The following UBTD2 variants were observed in gnomAD, a reference collection of about 807,000 sequenced individuals.
UBTD2 encodes the protein ubiquitin domain-containing protein 2.
UBTD2 carries 9 observed loss-of-function variants against 19.8 expected under a neutral mutation model. That is an observed-to-expected ratio of 0.46 (90% confidence interval 0.27 to 0.79). The LOEUF (loss-of-function observed/expected upper bound fraction) is 0.79, where lower values mean the gene tolerates loss of function less well. Among genes scored for constraint, UBTD2 ranks in the 30% least tolerant of loss-of-function variants. The pLI is 0.14. For missense variants in UBTD2, 250 were observed against 300.4 expected, an observed-to-expected ratio of 0.83 and a Z score of 1.24; for synonymous variants, 98 against 103.9, an observed-to-expected ratio of 0.94 and a Z score of 0.35.
chr5:172,277,818 T>C lies in UBTD2; in HGVS notation c.70+5778A>G, dbSNP rs1349718558. Among the ~76,000 whole-genome samples, 3 of 141,908 alleles carry C rather than the reference T, an allele frequency of 2.1e-5. No individual in the cohort carries two copies. In the Admixed American group the frequency reaches 2.1e-4, roughly 10 times the overall value. The allele number at this position is 141,908 out of a possible 152,430, so 93.1% of individuals were successfully genotyped here. ...TGCATATCATATATTTGATAAGGGT[T>C]CAATATCCAGAATATATAAAACTCT... On this transcript the variant is annotated intron_variant, in intron 1 of 2. Transcript: ENST00000393792.
intron 2 of UBTD2, among the ~76,000 whole-genome samples, chr5:172,223,818 G>A (rs954618057): frequency 3.3e-5 from 5 of 152,094 alleles, no homozygotes; most frequent in African/African-American, 4.8e-5. Flanking sequence ...GAGGTACAGG[G>A]ATTGGTTCTC....
intron 2 of UBTD2, among the ~76,000 whole-genome samples, chr5:172,215,568 A>T (rs371907183): frequency 1.2e-4 from 18 of 152,210 alleles, no homozygotes; most frequent in East Asian, 5.8e-4. Context: ...AGATGTACCA[A>T]AAGGCAAAAA....
At chr5:172,218,048 C>T (rs1004884295) in intron 2 of UBTD2, among the ~76,000 whole-genome samples, 1 of 152,210 alleles carries the variant, frequency 6.6e-6, no homozygotes, top group Non-Finnish European at 1.5e-5. Flanking sequence ...ACATTTTTCT[C>T]TCAAGTTCAC....
chr5:172,234,718 G>A (rs1340959756), intron 1 of UBTD2, among the ~76,000 whole-genome samples: 4 of 152,072 alleles, frequency 2.6e-5, no homozygotes, highest in African/African-American at 9.7e-5. Flanking sequence ...ACTAGCCTGG[G>A]CAACATGGTG....
chr5:172,234,414 A>G, intron 1 of UBTD2, 56 bp from the exon 2 acceptor site: 2 of 1,399,042 alleles, frequency 1.4e-6, no homozygotes, highest in Non-Finnish European at 2.0e-6. Context: ...AATATGTATC[A>G]AAAGTTATCT....
At chr5:172,232,970 G>A (rs1409206899) in intron 2 of UBTD2, among the ~76,000 whole-genome samples, 1 of 151,634 alleles carries the variant, frequency 6.6e-6, no homozygotes, top group Non-Finnish European at 1.5e-5. Flanking sequence ...GTGAAACCCT[G>A]TCTCTACTAA....
intron 1 of UBTD2, among the ~76,000 whole-genome samples, chr5:172,256,675 CT>C (rs1755160051): frequency 6.6e-6 from 1 of 152,010 alleles, no homozygotes; most frequent in Admixed American, 6.6e-5. Flanking sequence ...AATCCCAGCA[CT>C]TTGGGAGGCC....
chr5:172,248,940 G>T (rs919728125), intron 1 of UBTD2, among the ~76,000 whole-genome samples: 2 of 149,848 alleles, frequency 1.3e-5, no homozygotes, highest in East Asian at 2.0e-4. Context: ...CCTGTCTTGG[G>T]GGGGAAGAAA....
chr5:172,211,880 G>T lies in UBTD2; in HGVS notation c.655C>A (p.Gln219Lys). The T allele has an allele frequency of 6.2e-7, 1 of 1,614,190 alleles. No homozygotes were observed. The highest frequency in any genetic ancestry group is 8.5e-7 in the Non-Finnish European group (1 of 1,180,038). Residue 219 changes from glutamine to lysine, a missense_variant, in exon 3 of 3, where the codon CAG becomes AAG. Coordinates refer to ENST00000393792, the MANE Select transcript of UBTD2 (RefSeq NM_152277.3). ...ELKIPKDYVV[Q>K]VIVSQPVQNP... Reference sequence around the variant, plus strand: ...TGCACAGGTTGGCTCACTATAACCTGTACAACATAGTCCTTTGGGATCTTC... The same window carrying T: ...TGCACAGGTTGGCTCACTATAACCTTTACAACATAGTCCTTTGGGATCTTC...
chr5:172,255,004 G>T, intron 1 of UBTD2: 2 of 557,496 alleles, frequency 3.6e-6, no homozygotes, highest in South Asian at 3.0e-5. Context: ...CCGGCTGGAT[G>T]ACCAGCAAGA....
intron 2 of UBTD2, 95 bp downstream of exon 2, chr5:172,234,027 T>C (rs1320884799): frequency 7.7e-7 from 1 of 1,301,360 alleles, no homozygotes; most frequent in African/African-American, 1.5e-5. Context: ...GTTAGAATAA[T>C]TCATAGCAAG....
intron 1 of UBTD2, among the ~76,000 whole-genome samples, chr5:172,251,224 C>T (rs1581224647): frequency 1.4e-5 from 2 of 146,304 alleles, no homozygotes; most frequent in South Asian, 4.3e-4. Flanking sequence ...GAGGCTGAGG[C>T]AGGAGAATGG....
At chr5:172,223,617 A>AAAAAAAAAAAG (rs1561850764) in intron 2 of UBTD2, among the ~76,000 whole-genome samples, 8 of 129,282 alleles carry the variant, frequency 6.2e-5, no homozygotes, top group African/African-American at 2.4e-4. Context: ...AAAAAAAAAA[A>AAAAAAAAAAAG]GCACACTTAG....
At chr5:172,250,089 G>C (rs1214351872) in intron 1 of UBTD2, among the ~76,000 whole-genome samples, 1 of 152,050 alleles carries the variant, frequency 6.6e-6, no homozygotes, top group Non-Finnish European at 1.5e-5. Flanking sequence ...TGGGCGTGGT[G>C]GTGGGTGCCT....
At chr5:172,260,986 G>C (rs1221117737) in intron 1 of UBTD2, among the ~76,000 whole-genome samples, 1 of 152,254 alleles carries the variant, frequency 6.6e-6, no homozygotes, top group Non-Finnish European at 1.5e-5. Context: ...AATGATCAAA[G>C]CCTTAAAAGC....
intron 1 of UBTD2, among the ~76,000 whole-genome samples, chr5:172,281,984 GC>G (rs1211088816): frequency 1.3e-5 from 2 of 152,120 alleles, no homozygotes; most frequent in African/African-American, 4.8e-5. Context: ...GCTTTTTAAA[GC>G]CCATATTAAT....
chr5:172,212,242 GA>G lies in UBTD2; in HGVS notation c.308-16del. The stretch of plus-strand genomic sequence containing the variant: ...TGTAAGTGCACCTTCAGAAAGAGAA[GA>G]TATGAATAAGAACTTAATCCTTAAT... On this transcript the variant is annotated splice_polypyrimidine_tract_variant and intron_variant, in intron 2 of 2. Transcript: ENST00000393792. The G allele has an allele frequency of 6.4e-7, 1 of 1,569,744 alleles. No homozygotes were observed. The highest frequency in any genetic ancestry group is 8.6e-7 in the Non-Finnish European group (1 of 1,156,534).
At position 172,236,418 on chromosome 5, in the gene UBTD2, G is replaced by A. The variant is rs1473337269; in HGVS notation, c.71-2060C>T. 2.0e-5 allele frequency among the ~76,000 whole-genome samples: 3 copies of A among 152,164 alleles called. No homozygotes were observed. The East Asian group carries it at 5.8e-4, about 29-fold the overall frequency. ...TGCCTATTACATTTAATTCAAATGC[G>A]AGAAACACAGTCTATACTAATGATT... On this transcript the variant is annotated intron_variant, in intron 1 of 2. Transcript: ENST00000393792.
chr5:172,264,318 G>A (rs1010190070), intron 1 of UBTD2, among the ~76,000 whole-genome samples: 2 of 151,660 alleles, frequency 1.3e-5, no homozygotes, highest in African/African-American at 4.8e-5. Flanking sequence ...AGGCTGAGGC[G>A]GGCGGATCAC....
Sources: gnomAD v4.1 joint callset for allele counts (sites outside exome capture counted in the v4.1 genomes callset) on GRCh38, gnomAD v4.1.1 for gene constraint, MANE v1.5 for transcripts, NCBI Gene and HGNC (gene_info 2026-07-23, HGNC 2026-07-21) for gene names.